The following ARMC3 variants were observed in gnomAD, a reference collection of about 807,000 sequenced individuals.
The protein encoded by ARMC3 is armadillo repeat-containing protein 3.
Under a neutral mutation model 90.3 loss-of-function variants are expected in ARMC3, and 74 were observed. That is an observed-to-expected ratio of 0.82 (90% CI 0.68 to 0.99). ARMC3 has a LOEUF of 0.99. Among genes scored for constraint, ARMC3 ranks in the 50% least tolerant of loss-of-function variants. ARMC3 has a pLI of 0.00. For missense variants in ARMC3, 958 were observed against 1,042.8 expected (o/e 0.92, Z 1.12); for synonymous variants, 334 against 361.8 (o/e 0.92, Z 0.87).
At position 22,946,151 on chromosome 10, in the gene ARMC3, C is replaced by A. The variant is rs1205860487; in HGVS notation, c.56C>A (p.Pro19Gln). 3 of 1,604,458 alleles carry A rather than the reference C, an allele frequency of 1.9e-6. No individual in the cohort carries two copies. Among genetic ancestry groups the A allele is most frequent in the Middle Eastern group, 1.7e-4 (1 of 6,032 alleles). Residue 19 changes from proline (P) to glutamine (Q), a missense_variant, in exon 3 of 19, where the codon CCA (proline) becomes CAA (glutamine). Transcript: ENST00000298032. ...VEPPPKDVFD[P>Q]LMIESKKAAT... ...TTTCTTTCTGCCTTTCAGTTTGACCCATTAATGATTGAAAGCAAAAAAGCA... is the reference window on the plus strand; with the variant it reads ...TTTCTTTCTGCCTTTCAGTTTGACCAATTAATGATTGAAAGCAAAAAAGCA...
In ARMC3 at chr10:22,968,408, C is replaced by G. The variant is rs748915558; in HGVS notation, c.835C>G (p.Leu279Val). The G allele has an allele frequency of 2.5e-6, 4 of 1,613,178 alleles. No individual in the cohort carries two copies. Residue 279 changes from leucine (L) to valine (V), a missense_variant, in exon 8 of 19, where the codon CTC becomes GTC. Leu to Val is a conservative substitution (Grantham distance 32). Transcript: ENST00000298032. ...QIQQTGGLKK[L>V]LSFAENSTIP... The stretch of plus-strand genomic sequence containing the variant: ...TCAGCAGACAGGGGGTCTTAAAAAG[C>G]TCCTGTCATTTGCAGAAAACTCTAC...
intron 15 of ARMC3, 139 bp downstream of exon 15, chr10:23,008,513 T>C (rs1837747140): frequency 4.7e-6 from 3 of 644,116 alleles, no homozygotes; most frequent in Non-Finnish European, 8.1e-6. Flanking sequence ...GCCTTTTACA[T>C]TGCTATGGGA....
chr10:22,988,679 G>T (rs924360782), intron 10 of ARMC3, among the ~76,000 whole-genome samples: 7 of 152,126 alleles, frequency 4.6e-5, no homozygotes, highest in Non-Finnish European at 8.8e-5. Flanking sequence ...CAAACCACAA[G>T]TTCCACTTTT....
chr10:22,966,674 A>C (rs7083653), intron 7 of ARMC3, among the ~76,000 whole-genome samples: 1 of 152,092 alleles, frequency 6.6e-6, no homozygotes, highest in Non-Finnish European at 1.5e-5. Context: ...AGAGGTTTAA[A>C]TGACTCACAG....
At chr10:22,998,084 C>T (rs1837079057) in intron 10 of ARMC3, 64 bp from the exon 11 acceptor site, 2 of 1,557,084 alleles carry the variant, frequency 1.3e-6, no homozygotes, top group Non-Finnish European at 1.7e-6. Context: ...AGCTTAGTTG[C>T]ATGCTCCAAA....
In ARMC3 at chr10:22,952,179, A is replaced by C. The variant is rs1834761890; in HGVS notation, c.167-3628A>C. 2.0e-5 allele frequency among the ~76,000 whole-genome samples: 3 copies of C among 152,108 alleles called. No homozygotes were observed. The South Asian group carries it at 6.2e-4, about 31-fold the overall frequency. ...AATTAAACCAAAAGTTAGTAATAAT[A>C]AGGATATAATAGATATCTCAGTATA... On this transcript the variant is annotated intron_variant, in intron 3 of 18. Coordinates refer to ENST00000298032, the MANE Select transcript of ARMC3 (RefSeq NM_173081.5).
chr10:22,963,234 A>G, intron 7 of ARMC3, among the ~76,000 whole-genome samples: 1 of 152,336 alleles, frequency 6.6e-6, no homozygotes, highest in South Asian at 2.1e-4. Context: ...CTATAAAATG[A>G]AAGTATTGAT....
rs1837732043 is a variant in ARMC3, at chr10:23,008,354, A to C, written c.1908A>C (p.Arg636Ser). 1 of 1,500,374 alleles carries C rather than the reference A, an allele frequency of 6.7e-7. No individual in the cohort carries two copies. Among genetic ancestry groups the C allele is most frequent in the African/African-American group, 1.4e-5 (1 of 71,642 alleles). 92.9% of individuals were successfully genotyped at this position (1,500,374 alleles called of 1,614,324 possible). The change falls in exon 15 of 19, where the codon AGA becomes AGC. Residue 636 changes from arginine to serine, a missense_variant. Coordinates refer to ENST00000298032, the MANE Select transcript of ARMC3 (RefSeq NM_173081.5). ...TTTCTTCTTCATCTTCCTTAAGAAGATCAAGTAAAGAAAAGAACAAGTAAG... is the reference window on the plus strand; with the variant it reads ...TTTCTTCTTCATCTTCCTTAAGAAGCTCAAGTAAAGAAAAGAACAAGTAAG... ...RSISSSSSLRRSSKEKNKKNS... is the reference protein window; with the variant it reads ...RSISSSSSLRSSSKEKNKKNS...
chr10:22,946,907 C>T (rs1204257937), intron 3 of ARMC3, among the ~76,000 whole-genome samples: 1 of 152,226 alleles, frequency 6.6e-6, no homozygotes, highest in Non-Finnish European at 1.5e-5. Flanking sequence ...TGCCTGTAAT[C>T]TCAGCACTTC....
At chr10:23,012,215 C>A (rs1366952777) in intron 16 of ARMC3, among the ~76,000 whole-genome samples, 1 of 152,204 alleles carries the variant, frequency 6.6e-6, no homozygotes, top group Non-Finnish European at 1.5e-5. Flanking sequence ...CTGATCTTCA[C>A]ACAGCTATAG....
intron 3 of ARMC3, among the ~76,000 whole-genome samples, chr10:22,951,483 TACAGAAC>T (rs1191117096): frequency 6.6e-6 from 1 of 151,912 alleles, no homozygotes. Flanking sequence ...TTCAAGTGGA[TACAGAAC>T]ATTTATCCAA....
chr10:22,965,359 G>A (rs939976797), intron 7 of ARMC3, among the ~76,000 whole-genome samples: 3 of 152,112 alleles, frequency 2.0e-5, no homozygotes, highest in African/African-American at 7.2e-5. Flanking sequence ...TTTGTTTTCA[G>A]CATTTTTAAA....
chr10:23,005,844 A>G (rs555519393), intron 13 of ARMC3, among the ~76,000 whole-genome samples: 124 of 152,166 alleles, frequency 8.1e-4, no homozygotes, highest in African/African-American at 2.7e-3. Context: ...AGCCTGGGCA[A>G]CAGAGCTAGA....
chr10:23,031,085 A>G, intron 17 of ARMC3: 1 of 288,114 alleles, frequency 3.5e-6, no homozygotes. Flanking sequence ...AGAAGTTATG[A>G]ATGAATCAAA....
intron 4 of ARMC3, among the ~76,000 whole-genome samples, chr10:22,957,386 G>C (rs979958869): frequency 6.6e-6 from 1 of 152,206 alleles, no homozygotes; most frequent in Admixed American, 6.5e-5. Context: ...CAGCTGCAGT[G>C]CTGGAAGCAG....
intron 2 of ARMC3, among the ~76,000 whole-genome samples, chr10:22,939,472 C>T (rs1360445168): frequency 6.6e-6 from 1 of 152,118 alleles, no homozygotes; most frequent in African/African-American, 2.4e-5. Context: ...TATTGAATAC[C>T]TGGGGCATTA....
Position 23,023,675 on chromosome 10 carries a change from T to A in ARMC3, c.2046-6921T>A, listed in dbSNP as rs542114465. Among the ~76,000 whole-genome samples the A allele has an allele frequency of 3.9e-5, 6 of 152,224 alleles. No homozygotes were observed. In the South Asian group the frequency reaches 1.2e-3, roughly 32 times the overall value. ...TAAAAAAGGAACCAAATAGAAATTA[T>A]AGAACTGAAAAGTATAATAACAGAA... On this transcript the variant is annotated intron_variant, in intron 16 of 18. Coordinates refer to ENST00000298032, the MANE Select transcript of ARMC3 (RefSeq NM_173081.5).
At chr10:22,940,680 CT>C (rs1299177247) in intron 2 of ARMC3, among the ~76,000 whole-genome samples, 1 of 152,088 alleles carries the variant, frequency 6.6e-6, no homozygotes, top group African/African-American at 2.4e-5. Flanking sequence ...GAGACAGGGT[CT>C]CACTATGTTG....
chr10:22,975,008 A>G (rs1588868244), intron 8 of ARMC3, among the ~76,000 whole-genome samples: 1 of 152,318 alleles, frequency 6.6e-6, no homozygotes, highest in East Asian at 1.9e-4. Context: ...TTAGAGTTAT[A>G]TACATATTGA....
Sources: allele counts gnomAD v4.1 joint callset (sites outside exome capture counted in the v4.1 genomes callset), GRCh38; gene constraint gnomAD v4.1.1; transcripts MANE v1.5; gene names NCBI Gene and HGNC (gene_info 2026-07-23, HGNC 2026-07-21).